Variants in CLASP1 observed in about 807,000 individuals in gnomAD.
The protein encoded by CLASP1 is CLIP-associating protein 1.
In CLASP1, 38 loss-of-function variants were observed where a neutral mutation model predicts 192.3. The observed-to-expected ratio is 0.20, with a 90% CI of 0.15 to 0.26. CLASP1 has a LOEUF of 0.26. Ranked by LOEUF, CLASP1 falls within the 10% of genes least tolerant of loss-of-function variation. CLASP1 has a pLI of 1.00. For synonymous variants in CLASP1, 691 were observed against 712.8 expected, an observed-to-expected ratio of 0.97 and a Z score of 0.49; for missense variants, 1,433 against 1,932.5, an observed-to-expected ratio of 0.74 and a Z score of 4.85.
At chr2:121,418,431 A>G (rs2078957990) in intron 23 of CLASP1, among the ~76,000 whole-genome samples, 191 bp downstream of exon 23, 1 of 152,222 alleles carries the variant, frequency 6.6e-6, no homozygotes, top group Non-Finnish European at 1.5e-5. Flanking sequence ...TTCCTCTAAT[A>G]TATAAAAATT....
In CLASP1 at chr2:121,528,670, C is replaced by A; in HGVS notation, c.378+7G>T. On this transcript the variant is annotated splice_region_variant and intron_variant, in intron 4 of 39. Coordinates refer to ENST00000263710, the Ensembl canonical transcript of CLASP1. ...AGCTGACCTCAAAACACATCTCTTG[C>A]CCCTACCTGGGGATTAGCAGCTTGA... 1.2e-6 allele frequency: 2 copies of A among 1,613,350 alleles called. No individual in the cohort carries two copies. Among genetic ancestry groups the A allele is most frequent in the Non-Finnish European group, 1.7e-6 (2 of 1,179,280 alleles).
At chr2:121,500,377 AAAGAAAGAAAGAAAGAAAGAAAAG>A (rs1559449716) in intron 8 of CLASP1, among the ~76,000 whole-genome samples, 2 of 127,412 alleles carry the variant, frequency 1.6e-5, no homozygotes, top group East Asian at 2.4e-4. Context: ...AGAAAGAAAG[AAAGAAAGAAAGAAAGAAAGAAAAG>A]AAAGAAAGAA....
At chr2:121,610,821 A>AGAGGAACTGGAGGAGGAGGAG (rs1327765302) in intron 1 of CLASP1, among the ~76,000 whole-genome samples, 3 of 64,450 alleles carry the variant, frequency 4.7e-5, no homozygotes, top group East Asian at 6.2e-4. Context: ...AGCAGGAGGA[A>AGAGGAACTGGAGGAGGAGGAG]GAGTTACAGG....
intron 2 of CLASP1, among the ~76,000 whole-genome samples, chr2:121,563,162 C>G (rs974759768): frequency 2.0e-5 from 3 of 152,204 alleles, no homozygotes; most frequent in African/African-American, 7.2e-5. Context: ...GCCTTCACTT[C>G]TCTCTCCCTT....
At chr2:121,482,505 A>G (rs1301812648) in intron 8 of CLASP1, among the ~76,000 whole-genome samples, 9 of 152,204 alleles carry the variant, frequency 5.9e-5, no homozygotes, top group Non-Finnish European at 1.5e-5. Context: ...GAAGAAGAGT[A>G]TCTCTAAACA....
At position 121,397,127 on chromosome 2, in the gene CLASP1, C is replaced by A. The variant is rs776719639; in HGVS notation, c.3123+13G>T. On this transcript the variant is annotated intron_variant, in intron 30 of 39. Coordinates refer to ENST00000263710, the Ensembl canonical transcript of CLASP1. ...AACAATCTGTAATTACACGTCGGTT[C>A]TCTTGGACATACCTTTCTCACGTCT... The A allele has an allele frequency of 2.5e-6, 4 of 1,613,248 alleles. No homozygotes were observed. The Admixed American group carries it at 6.7e-5, about 27-fold the overall frequency.
At chr2:121,515,580 A>G (rs2094265935) in intron 7 of CLASP1, 85 bp downstream of exon 7, 4 of 976,542 alleles carry the variant, frequency 4.1e-6, no homozygotes, top group Non-Finnish European at 6.3e-6. Context: ...CAACAGAAAA[A>G]GTATTGCAAA....
intron 6 of CLASP1, among the ~76,000 whole-genome samples, chr2:121,519,748 G>T (rs2094413983): frequency 6.6e-6 from 1 of 152,192 alleles, no homozygotes. Flanking sequence ...TACAGGGTCA[G>T]ATAGCATTTA....
At chr2:121,383,337 A>G (rs1199518577) in intron 32 of CLASP1, among the ~76,000 whole-genome samples, 1 of 152,200 alleles carries the variant, frequency 6.6e-6, no homozygotes, top group Non-Finnish European at 1.5e-5. Flanking sequence ...AGGCATTGAG[A>G]TGCAAAGTCA....
rs371038360 is a variant in CLASP1 at position 121,509,995 on chromosome 2, C to CA, written c.644+5669dup. On this transcript the variant is annotated intron_variant, in intron 7 of 39. Transcript: ENST00000263710. Reference sequence around the variant, plus strand: ...AAACACTCCTAAGTAACAAATAACTCAAAAATGAAAACAAAAAGGAATTAG... The same window carrying CA: ...AAACACTCCTAAGTAACAAATAACTCAAAAAATGAAAACAAAAAGGAATTAG... Among the ~76,000 whole-genome samples the CA allele has an allele frequency of 4.2e-3, 638 of 151,932 alleles. 3 individuals carry two copies. Among genetic ancestry groups the CA allele is most frequent in the African/African-American group, 0.015 (619 of 41,466 alleles).
At chr2:121,467,874 T>C (rs2089960996) in intron 9 of CLASP1, among the ~76,000 whole-genome samples, 1 of 152,232 alleles carries the variant, frequency 6.6e-6, no homozygotes, top group African/African-American at 2.4e-5. Flanking sequence ...CATGCCTATG[T>C]CCTAAATGGT....
chr2:121,584,249 A>C (rs933456099), intron 2 of CLASP1, among the ~76,000 whole-genome samples: 1 of 152,186 alleles, frequency 6.6e-6, no homozygotes, highest in Non-Finnish European at 1.5e-5. Flanking sequence ...GCACCTGGCC[A>C]AATTTTTATT....
intron 1 of CLASP1, among the ~76,000 whole-genome samples, chr2:121,609,818 GTAA>G (rs2064969717): frequency 1.3e-5 from 2 of 152,312 alleles, no homozygotes; most frequent in South Asian, 4.1e-4. Context: ...GCACGTGCCT[GTAA>G]TCCCAGCTAC....
chr2:121,463,897 C>A (rs376831904), intron 9 of CLASP1, among the ~76,000 whole-genome samples: 23 of 151,152 alleles, frequency 1.5e-4, no homozygotes, highest in South Asian at 4.2e-4. Context: ...CACAATGTGC[C>A]GGTTAGTTAC....
At chr2:121,427,269 A>G (rs957032023) in intron 21 of CLASP1, 135 bp downstream of exon 21, 1 of 1,115,204 alleles carries the variant, frequency 9.0e-7, no homozygotes, top group Non-Finnish European at 1.3e-6. Context: ...CTAGAATTTG[A>G]ACACAAAGAA....
chr2:121,603,872 T>C (rs1354747512), intron 2 of CLASP1, among the ~76,000 whole-genome samples: 2 of 152,012 alleles, frequency 1.3e-5, no homozygotes, highest in African/African-American at 2.4e-5. Flanking sequence ...TAACAGTTAA[T>C]CTCATAAGTA....
intron 2 of CLASP1, among the ~76,000 whole-genome samples, chr2:121,586,574 T>C (rs940850966): frequency 6.6e-6 from 1 of 152,232 alleles, no homozygotes; most frequent in Non-Finnish European, 1.5e-5. Context: ...GCATATGCCA[T>C]ACCAGATTTT....
chr2:121,619,063 T>C (rs2066909214), intron 1 of CLASP1, among the ~76,000 whole-genome samples: 1 of 152,178 alleles, frequency 6.6e-6, no homozygotes, highest in Non-Finnish European at 1.5e-5. Context: ...TTAAACTAAT[T>C]TTCTCTCATT....
intron 2 of CLASP1, among the ~76,000 whole-genome samples, chr2:121,560,057 T>C (rs1224186750): frequency 6.6e-6 from 1 of 152,036 alleles, no homozygotes; most frequent in African/African-American, 2.4e-5. Flanking sequence ...TTTTGATAAA[T>C]GTACCATGGC....
Sources: gnomAD v4.1 joint callset for allele counts (sites outside exome capture counted in the v4.1 genomes callset) on GRCh38, gnomAD v4.1.1 for gene constraint, MANE v1.5 for transcripts, NCBI Gene and HGNC (gene_info 2026-07-23, HGNC 2026-07-21) for gene names.